Variants in SYNPO2 observed in about 807,000 individuals in gnomAD.
SYNPO2 encodes synaptopodin-2.
SYNPO2 carries 56 observed loss-of-function variants against 85.0 expected under a neutral mutation model. The ratio of observed to expected loss-of-function variants is 0.66; its 90% CI spans 0.53 to 0.82. SYNPO2 has a LOEUF of 0.82. Ranked by LOEUF, SYNPO2 falls within the 40% of genes least tolerant of loss-of-function variation. The pLI is 0.00. For synonymous variants in SYNPO2, 602 were observed against 591.1 expected (o/e 1.02, Z -0.27); for missense variants, 1,575 against 1,534.2 (o/e 1.03, Z -0.44).
rs143398672 is a variant in SYNPO2, at chr4:118,879,605, A to C, written c.12+28665A>C. 5.9e-5 allele frequency among the ~76,000 whole-genome samples: 9 copies of C among 152,274 alleles called. No homozygotes were observed. The East Asian group carries it at 1.7e-3, about 29-fold the overall frequency. ...TGATCTTAGACTTCCCAGCTGCCAG[A>C]CCTGTGGGAAACACATTTTTGTGGT... On this transcript the variant is annotated intron_variant, in intron 1 of 4. Transcript: ENST00000610556.
chr4:118,856,313 G>C (rs2110562531), intron 1 of SYNPO2, among the ~76,000 whole-genome samples: 1 of 152,248 alleles, frequency 6.6e-6, no homozygotes, highest in African/African-American at 2.4e-5. Context: ...TTTGAAGTAA[G>C]TAACCCAATA....
chr4:118,991,547 G>A (rs1736415367), intron 1 of SYNPO2, among the ~76,000 whole-genome samples: 1 of 152,222 alleles, frequency 6.6e-6, no homozygotes, highest in Admixed American at 6.5e-5. Flanking sequence ...TCAAAGTTGA[G>A]CCTTCTATCA....
At chr4:118,915,926 T>C (rs1325338566) in intron 1 of SYNPO2, among the ~76,000 whole-genome samples, 1 of 152,170 alleles carries the variant, frequency 6.6e-6, no homozygotes, top group Non-Finnish European at 1.5e-5. Context: ...TTGATTTCTA[T>C]TTTCATGACT....
intron 4 of SYNPO2, chr4:119,034,357 C>T: frequency 1.0e-6 from 1 of 976,230 alleles, no homozygotes; most frequent in Non-Finnish European, 1.2e-6. Flanking sequence ...AGAAGTATTT[C>T]CAGTTGTCTA....
intron 1 of SYNPO2, among the ~76,000 whole-genome samples, chr4:118,943,904 T>C (rs932114356): frequency 6.6e-6 from 1 of 152,226 alleles, no homozygotes; most frequent in Non-Finnish European, 1.5e-5. Context: ...GTGTGTGTGT[T>C]AGCAAAACGT....
intron 4 of SYNPO2, chr4:119,036,865 T>C: frequency 8.8e-7 from 1 of 1,135,272 alleles, no homozygotes. Flanking sequence ...TATCAAGTCC[T>C]GTCAAACATT....
chr4:118,923,888 C>T (rs1413721767), intron 1 of SYNPO2, among the ~76,000 whole-genome samples: 1 of 128,838 alleles, frequency 7.8e-6, no homozygotes. Context: ...AGACTGCACT[C>T]AAAAAAAAAA....
At chr4:119,048,040 A>G (rs1287112688) in intron 4 of SYNPO2, among the ~76,000 whole-genome samples, 2 of 152,148 alleles carry the variant, frequency 1.3e-5, no homozygotes. Flanking sequence ...ACTTTTCTCA[A>G]TTGTGAAATC....
At chr4:119,008,145 T>C (rs1299016336) in intron 1 of SYNPO2, among the ~76,000 whole-genome samples, 4 of 152,222 alleles carry the variant, frequency 2.6e-5, no homozygotes, top group Admixed American at 1.3e-4. Flanking sequence ...CTTGCACATA[T>C]TAGGTGCTTA....
At chr4:118,960,910 T>C (rs1316303537) in intron 1 of SYNPO2, among the ~76,000 whole-genome samples, 7 of 152,178 alleles carry the variant, frequency 4.6e-5, no homozygotes, top group Admixed American at 6.5e-5. Context: ...TGGGCTGTTA[T>C]AGTCGCCTTC....
intron 4 of SYNPO2, chr4:119,042,661 A>G (rs1018404810): frequency 8.5e-5 from 13 of 152,140 alleles, no homozygotes; most frequent in Non-Finnish European, 1.2e-4. Context: ...AAAGAGCCCA[A>G]TATTTTTGTT....
At chr4:118,966,441 G>A (rs1735320134) in intron 1 of SYNPO2, among the ~76,000 whole-genome samples, 1 of 152,064 alleles carries the variant, frequency 6.6e-6, no homozygotes, top group Admixed American at 6.6e-5. Context: ...AAACCCTGGA[G>A]CACAGCTCCC....
At chr4:119,017,286 A>G (rs1331973505) in intron 1 of SYNPO2, among the ~76,000 whole-genome samples, 2 of 152,150 alleles carry the variant, frequency 1.3e-5, no homozygotes, top group Admixed American at 1.3e-4. Flanking sequence ...GCCCTCTGAA[A>G]ATGGAATTAT....
Position 118,947,931 on chromosome 4 carries a change from A to G in SYNPO2, c.105+58790A>G, listed in dbSNP as rs947985733. Among the ~76,000 whole-genome samples the G allele has an allele frequency of 8.4e-4, 128 of 152,342 alleles. 1 individual carries two copies. The highest frequency in any genetic ancestry group is 2.9e-3 in the African/African-American group (122 of 41,576). On this transcript the variant is annotated intron_variant, in intron 1 of 4. Transcript: ENST00000307142. ...TTGTCCAAATGACTCTCATTGCTTA[A>G]TGCCACTTTAGTTTTGGGGATCTGA...
chr4:119,038,996 A>G (rs1738624522), intron 4 of SYNPO2, among the ~76,000 whole-genome samples: 1 of 152,006 alleles, frequency 6.6e-6, no homozygotes. Context: ...CAGTCCCATC[A>G]CCAACTTCAA....
At chr4:118,958,844 C>T (rs571797363) in intron 1 of SYNPO2, among the ~76,000 whole-genome samples, 1 of 152,204 alleles carries the variant, frequency 6.6e-6, no homozygotes, top group Non-Finnish European at 1.5e-5. Context: ...TCTATGGTGC[C>T]CTTCTAGCCT....
Position 118,902,764 on chromosome 4 carries a change from G to A in SYNPO2, c.105+13623G>A, listed in dbSNP as rs1008578324. ...AGAGAAGAGGAATTTAAGGAGTGTC[G>A]AGGAGAATTTTAATACCTAGATCCT... On this transcript the variant is annotated intron_variant, in intron 1 of 4. Transcript: ENST00000307142. Among the ~76,000 whole-genome samples the A allele has an allele frequency of 8.5e-5, 13 of 152,142 alleles. No individual in the cohort carries two copies. The South Asian group carries it at 1.5e-3, about 17-fold the overall frequency.
chr4:118,986,548 T>A (rs1380905771), intron 1 of SYNPO2, among the ~76,000 whole-genome samples: 2 of 152,182 alleles, frequency 1.3e-5, no homozygotes, highest in African/African-American at 4.8e-5. Flanking sequence ...ACCAAAGGTA[T>A]CTATGAGAAC....
chr4:118,884,057 G>C (rs1011940146), upstream of SYNPO2, among the ~76,000 whole-genome samples: 5 of 152,324 alleles, frequency 3.3e-5, no homozygotes, highest in East Asian at 5.8e-4. Context: ...TACACACACA[G>C]AGGGTTTGTA....
Sources: allele counts gnomAD v4.1 joint callset (sites outside exome capture counted in the v4.1 genomes callset), GRCh38; gene constraint gnomAD v4.1.1; transcripts MANE v1.5; gene names NCBI Gene and HGNC (gene_info 2026-07-23, HGNC 2026-07-21).